Variants in SLC6A11 observed in about 807,000 individuals in gnomAD.
SLC6A11 encodes the protein sodium- and chloride-dependent GABA transporter 3.
SLC6A11 carries 25 observed loss-of-function variants against 74.8 expected under a neutral mutation model. That is an observed-to-expected ratio of 0.33 (90% CI 0.24 to 0.47). The LOEUF (loss-of-function observed/expected upper bound fraction) is 0.47. Among genes scored for constraint, SLC6A11 ranks in the 20% least tolerant of loss-of-function variants. The pLI is 1.00. For missense variants in SLC6A11, 574 were observed against 837.0 expected (o/e 0.69, Z 3.88); for synonymous variants, 330 against 330.2 (o/e 1.00, Z 0.01).
intron 5 of SLC6A11, among the ~76,000 whole-genome samples, chr3:10,858,869 G>A (rs985229802): frequency 6.6e-6 from 1 of 152,228 alleles, no homozygotes; most frequent in Non-Finnish European, 1.5e-5. Context: ...ACTTGGTCCT[G>A]TGCAGCATAT....
At position 10,938,111 on chromosome 3, in the gene SLC6A11, G is replaced by T. The variant is rs915329950; in HGVS notation, c.1747-139G>T. On this transcript the variant is annotated intron_variant, in intron 13 of 13. Transcript: ENST00000254488. ...TCATCATCCAGGACAGAGCTGTAAGGGGCCAAGCTGGGGCCCGGACCTTGG... is the reference window on the plus strand; with the variant it reads ...TCATCATCCAGGACAGAGCTGTAAGTGGCCAAGCTGGGGCCCGGACCTTGG... 8 of 696,822 alleles carry T rather than the reference G, an allele frequency of 1.1e-5. No individual in the cohort carries two copies. The Admixed American group carries it at 1.6e-4, about 14-fold the overall frequency. 43.2% of individuals were successfully genotyped at this position (696,822 alleles called of 1,614,324 possible).
chr3:10,839,212 A>G (rs1694406679), intron 4 of SLC6A11, among the ~76,000 whole-genome samples: 1 of 152,096 alleles, frequency 6.6e-6, no homozygotes, highest in Non-Finnish European at 1.5e-5. Flanking sequence ...AACAAAACAA[A>G]TGTGGATCAA....
intron 6 of SLC6A11, among the ~76,000 whole-genome samples, chr3:10,885,702 C>T (rs1265782280): frequency 3.3e-5 from 5 of 152,074 alleles, no homozygotes; most frequent in African/African-American, 1.2e-4. Context: ...CTTTCTGTGT[C>T]TCAGCTGAGT....
intron 3 of SLC6A11, among the ~76,000 whole-genome samples, chr3:10,822,683 G>A (rs1292571618): frequency 6.6e-6 from 1 of 152,120 alleles, no homozygotes; most frequent in East Asian, 1.9e-4. Flanking sequence ...TTTTACTTGA[G>A]ATTAAATCTC....
chr3:10,839,934 G>A (rs753717773), intron 4 of SLC6A11, among the ~76,000 whole-genome samples: 1 of 152,054 alleles, frequency 6.6e-6, no homozygotes, highest in Non-Finnish European at 1.5e-5. Flanking sequence ...CAGTCCTCTT[G>A]TGCCTCTGCT....
At chr3:10,933,307 T>C in intron 11 of SLC6A11, 54 bp downstream of exon 11, 1 of 1,265,006 alleles carries the variant, frequency 7.9e-7, no homozygotes, top group Middle Eastern at 1.9e-4. Context: ...GTACCCAGGA[T>C]CCTGGTGCTT....
chr3:10,903,939 TAAGAAATTAG>T (rs1695272005), intron 6 of SLC6A11, among the ~76,000 whole-genome samples: 1 of 152,146 alleles, frequency 6.6e-6, no homozygotes, highest in Admixed American at 6.5e-5. Flanking sequence ...CCCAAACATC[TAAGAAATTAG>T]ACATTCTACT....
At chr3:10,830,402 G>T (rs754859682) in intron 4 of SLC6A11, among the ~76,000 whole-genome samples, 3 of 152,210 alleles carry the variant, frequency 2.0e-5, no homozygotes, top group Non-Finnish European at 4.4e-5. Flanking sequence ...GAGCATCTAT[G>T]CACTCACAGG....
intron 7 of SLC6A11, among the ~76,000 whole-genome samples, chr3:10,917,667 G>C (rs1243116600): frequency 6.6e-6 from 1 of 152,164 alleles, no homozygotes; most frequent in African/African-American, 2.4e-5. Flanking sequence ...TTATGCTGGT[G>C]CTTCTTAGCT....
chr3:10,845,816 A>G (rs549121070), intron 5 of SLC6A11, among the ~76,000 whole-genome samples: 1 of 152,342 alleles, frequency 6.6e-6, no homozygotes, highest in African/African-American at 2.4e-5. Flanking sequence ...CATGAAGACA[A>G]TAGGATTTTT....
intron 5 of SLC6A11, among the ~76,000 whole-genome samples, chr3:10,858,645 A>G (rs929708620): frequency 1.3e-5 from 2 of 152,280 alleles, no homozygotes; most frequent in African/African-American, 4.8e-5. Context: ...ATAGGTGGGC[A>G]CACTGAGGCT....
At chr3:10,883,005 T>G (rs1348718312) in intron 6 of SLC6A11, among the ~76,000 whole-genome samples, 4 of 147,402 alleles carry the variant, frequency 2.7e-5, no homozygotes, top group Admixed American at 6.7e-5. Context: ...GCCTCCACCT[T>G]GCCAGCTCTG....
intron 10 of SLC6A11, among the ~76,000 whole-genome samples, chr3:10,929,765 G>T (rs1257603148): frequency 2.6e-5 from 4 of 152,198 alleles, no homozygotes; most frequent in Admixed American, 1.3e-4. Context: ...CTCCCATGAT[G>T]ATATTGGCAC....
intron 8 of SLC6A11, among the ~76,000 whole-genome samples, chr3:10,924,892 G>A (rs1472505174): frequency 6.6e-6 from 1 of 152,230 alleles, no homozygotes; most frequent in Non-Finnish European, 1.5e-5. Context: ...TGGTAGGACT[G>A]TAAAATGGCA....
chr3:10,905,791 A>C (rs1695295046), intron 6 of SLC6A11, among the ~76,000 whole-genome samples: 1 of 152,194 alleles, frequency 6.6e-6, no homozygotes, highest in African/African-American at 2.4e-5. Flanking sequence ...GGATGTTTTC[A>C]AGAAATCTAA....
chr3:10,879,861 T>G (rs1694953737), intron 6 of SLC6A11, among the ~76,000 whole-genome samples: 1 of 152,188 alleles, frequency 6.6e-6, no homozygotes. Context: ...AGGAAATGCT[T>G]CAATGAGCAT....
At chr3:10,878,749 C>T (rs1694941492) in intron 6 of SLC6A11, among the ~76,000 whole-genome samples, 1 of 152,110 alleles carries the variant, frequency 6.6e-6, no homozygotes, top group Admixed American at 6.5e-5. Flanking sequence ...ACATCACTTT[C>T]TCAGGCAAGT....
At chr3:10,821,897 G>T (rs1328221637) in intron 3 of SLC6A11, among the ~76,000 whole-genome samples, 1 of 152,082 alleles carries the variant, frequency 6.6e-6, no homozygotes, top group East Asian at 1.9e-4. Context: ...CCAGAAAAAG[G>T]CACAGGACAC....
chr3:10,823,014 TA>T (rs528412733), intron 3 of SLC6A11, among the ~76,000 whole-genome samples: 183 of 151,920 alleles, frequency 1.2e-3, no homozygotes, highest in Non-Finnish European at 2.2e-3. Flanking sequence ...GTGGAAAAAA[TA>T]AAAGAAGATT....
Sources: gnomAD v4.1 joint callset for allele counts (sites outside exome capture counted in the v4.1 genomes callset) on GRCh38, gnomAD v4.1.1 for gene constraint, MANE v1.5 for transcripts, NCBI Gene and HGNC (gene_info 2026-07-23, HGNC 2026-07-21) for gene names.